The following TECPR2 variants were observed in gnomAD, a reference collection of about 807,000 sequenced individuals.
TECPR2 encodes the protein tectonin beta-propeller repeat containing 2.
TECPR2 carries 65 observed loss-of-function variants against 138.1 expected under a neutral mutation model. That is an observed-to-expected ratio of 0.47 (90% CI 0.39 to 0.58). The LOEUF is 0.58. Ranked by LOEUF, TECPR2 falls within the 20% of genes least tolerant of loss-of-function variation. The pLI, the probability that TECPR2 is intolerant of heterozygous loss-of-function variation, is 0.00. For synonymous variants in TECPR2, 746 were observed against 749.8 expected (o/e 0.99, Z 0.08); for missense variants, 1,553 against 1,824.5 (o/e 0.85, Z 2.71).
intron 5 of TECPR2, among the ~76,000 whole-genome samples, chr14:102,421,520 T>C (rs1030606308): frequency 6.6e-6 from 1 of 152,140 alleles, no homozygotes; most frequent in Non-Finnish European, 1.5e-5. Context: ...TCTGTTTGCC[T>C]ATGTGGGTGG....
chr14:102,441,359 C>T (rs1259426334), intron 11 of TECPR2, among the ~76,000 whole-genome samples: 1 of 150,886 alleles, frequency 6.6e-6, no homozygotes, highest in Non-Finnish European at 1.5e-5. Flanking sequence ...TGTGAGCCAC[C>T]ACACCAGGCC....
At chr14:102,414,960 C>T (rs1482784082) in intron 5 of TECPR2, among the ~76,000 whole-genome samples, 167 bp downstream of exon 5, 1 of 152,178 alleles carries the variant, frequency 6.6e-6, no homozygotes, top group East Asian at 1.9e-4. Flanking sequence ...TAGGATTTCT[C>T]CTCCCAGAGG....
chr14:102,389,140 AAAAT>A (rs1007638402), intron 2 of TECPR2, among the ~76,000 whole-genome samples: 3 of 150,522 alleles, frequency 2.0e-5, no homozygotes, highest in Admixed American at 1.3e-4. Context: ...CAAAAAAATA[AAAAT>A]AAATAAATAA....
chr14:102,438,237 TGCTCCC>T, intron 10 of TECPR2, 32 bp downstream of exon 10: 1 of 1,139,870 alleles, frequency 8.8e-7, no homozygotes, highest in Non-Finnish European at 1.2e-6. Flanking sequence ...TCCCGCTCCC[TGCTCCC>T]GCTCGCCGCT....
rs1410814477 is a variant in TECPR2, at chr14:102,480,253, C to G, written c.3789+14964C>G. 5.4e-5 allele frequency among the ~76,000 whole-genome samples: 8 copies of G among 148,780 alleles called. No homozygotes were observed. In the East Asian group the frequency reaches 1.4e-3, roughly 26 times the overall value. ...TTTATTGATTTATTTGAGACGGAGTCTTGCTCTGTCGCCCAGGCTGGAGTG... is the reference window on the plus strand; with the variant it reads ...TTTATTGATTTATTTGAGACGGAGTGTTGCTCTGTCGCCCAGGCTGGAGTG... On this transcript the variant is annotated intron_variant, in intron 17 of 19. Coordinates refer to ENST00000359520, the MANE Select transcript of TECPR2 (RefSeq NM_014844.5).
intron 2 of TECPR2, among the ~76,000 whole-genome samples, chr14:102,377,927 A>T (rs1567315013): frequency 2.6e-5 from 4 of 152,206 alleles, no homozygotes. Flanking sequence ...AGCTGAGCTG[A>T]GGTCTCTTCT....
intron 17 of TECPR2, among the ~76,000 whole-genome samples, chr14:102,477,098 T>C (rs1304637862): frequency 6.8e-6 from 1 of 148,088 alleles, no homozygotes; most frequent in South Asian, 2.2e-4. Flanking sequence ...GGCCAGGTGC[T>C]GTGGCTCATG....
intron 12 of TECPR2, 127 bp from the exon 13 acceptor site, chr14:102,445,679 A>G: frequency 8.1e-7 from 1 of 1,241,628 alleles, no homozygotes. Context: ...GCACCTGCTG[A>G]TCCGCTCCAG....
At chr14:102,392,917 A>G (rs748778430) in intron 2 of TECPR2, among the ~76,000 whole-genome samples, 1 of 152,210 alleles carries the variant, frequency 6.6e-6, no homozygotes, top group Non-Finnish European at 1.5e-5. Flanking sequence ...TTCTTCGGAA[A>G]GATTCTTTTT....
intron 5 of TECPR2, among the ~76,000 whole-genome samples, chr14:102,423,877 C>T (rs957063996): frequency 6.6e-6 from 1 of 152,188 alleles, no homozygotes; most frequent in Non-Finnish European, 1.5e-5. Flanking sequence ...CTGTGAAGCT[C>T]ATTCATTCAG....
At chr14:102,364,694 T>C (rs150345885) in intron 1 of TECPR2, among the ~76,000 whole-genome samples, 1,569 of 152,290 alleles carry the variant, frequency 0.01, 31 homozygotes, top group African/African-American at 0.036. Flanking sequence ...GATTTTTTTT[T>C]CCAATTTTTT....
rs372433998 is a variant in TECPR2 at position 102,425,049 on chromosome 14, C to T, written c.709C>T (p.Arg237Trp). 4 of 1,614,138 alleles carry T rather than the reference C, an allele frequency of 2.5e-6. No homozygotes were observed. The highest frequency in any genetic ancestry group is 1.6e-4 in the Middle Eastern group (1 of 6,062). ...AAGTGATCTAACCTTGTATGCGTCA[C>T]GGCCCGGGCTCCGGCTATGGAAGGC... ...KQSDLTLYAS[R>W]PGLRLWKADV... The change falls in exon 6 of 20, where the codon CGG becomes TGG. Residue 237 changes from arginine (R) to tryptophan (W), a missense_variant. Arg to Trp is a moderately radical substitution (Grantham distance 101). Coordinates refer to ENST00000359520, the MANE Select transcript of TECPR2 (RefSeq NM_014844.5).
At position 102,376,860 on chromosome 14, in the gene TECPR2, T is replaced by A; in HGVS notation, c.139T>A (p.Tyr47Asn). 4.3e-6 allele frequency: 7 copies of A among 1,614,172 alleles called. No homozygotes were observed. Among genetic ancestry groups the A allele is most frequent in the Non-Finnish European group, 5.9e-6 (7 of 1,180,046 alleles). The change falls in exon 2 of 20, where the codon TAC (tyrosine) becomes AAC (asparagine). Residue 47 changes from tyrosine (Y) to asparagine (N), a missense_variant. By Grantham distance (143) the Tyr-to-Asn change is moderately radical. Transcript: ENST00000359520. The stretch of plus-strand genomic sequence containing the variant: ...CACGGCCCTCGACACCAACGGGGAC[T>A]ACATCGCGGTGGGCAGCAGCATCGG... ...YLTALDTNGD[Y>N]IAVGSSIGML...
intron 12 of TECPR2, 75 bp from the exon 13 acceptor site, chr14:102,445,731 G>A (rs1889957297): frequency 2.0e-6 from 3 of 1,501,172 alleles, no homozygotes; most frequent in Non-Finnish European, 2.7e-6. Flanking sequence ...GGGAGACCCT[G>A]GATGTCCGCA....
At chr14:102,393,895 A>C (rs1370516662) in intron 2 of TECPR2, among the ~76,000 whole-genome samples, 1 of 152,162 alleles carries the variant, frequency 6.6e-6, no homozygotes, top group Non-Finnish European at 1.5e-5. Context: ...TCATTCAGAA[A>C]AATTTCACAG....
Position 102,443,783 on chromosome 14 carries a change from C to A in TECPR2, c.2889C>A (p.Ser963Arg). 1 of 1,604,212 alleles carries A rather than the reference C, an allele frequency of 6.2e-7. No individual in the cohort carries two copies. Among genetic ancestry groups the A allele is most frequent in the Non-Finnish European group, 8.5e-7 (1 of 1,173,148 alleles). The part of the protein sequence containing the change: ...QRALLYREGV[S>R]SFCPEGEQWK... The stretch of plus-strand genomic sequence containing the variant: ...CCCTCCTGTACCGGGAGGGCGTGAG[C>A]AGCTTCTGTCCGGAAGGCGAGCAGT... Residue 963 changes from serine (S) to arginine (R), a missense_variant, in exon 12 of 20, where the codon AGC becomes AGA. By Grantham distance (110) the Ser-to-Arg change is moderately radical (BLOSUM62 -1). Coordinates refer to ENST00000359520, the MANE Select transcript of TECPR2 (RefSeq NM_014844.5). This position sits in a 1 kb window ranked among gnomAD's most constrained non-coding sequence, Gnocchi z 4.9.
At chr14:102,477,106 A>G (rs1890782659) in intron 17 of TECPR2, among the ~76,000 whole-genome samples, 1 of 152,198 alleles carries the variant, frequency 6.6e-6, no homozygotes, top group Admixed American at 6.5e-5. Flanking sequence ...GCTGTGGCTC[A>G]TGCCTGTAAT....
Position 102,362,988 on chromosome 14 carries a change from T to G in TECPR2, c.-201T>G. The G allele has an allele frequency of 8.3e-7, 1 of 1,201,872 alleles. No individual in the cohort carries two copies. Among genetic ancestry groups the G allele is most frequent in the Non-Finnish European group, 1.2e-6 (1 of 840,610 alleles). The allele number at this position is 1,201,872 out of a possible 1,614,324, so 74.5% of individuals were successfully genotyped here. ...CCCCCGGCGGAGCCAGCTGCTGCTC[T>G]TCGGTGCTGGCCCCGGTGCCGGCCC... is the stretch of plus-strand genomic sequence containing the variant. On this transcript the variant is annotated 5_prime_UTR_variant, in exon 1 of 20. Coordinates refer to ENST00000359520, the MANE Select transcript of TECPR2 (RefSeq NM_014844.5).
intron 17 of TECPR2, among the ~76,000 whole-genome samples, chr14:102,484,788 G>A (rs1890985273): frequency 6.6e-6 from 1 of 152,176 alleles, no homozygotes; most frequent in African/African-American, 2.4e-5. Flanking sequence ...CTCCCGAGTA[G>A]CTGGGATTAC....
Sources: allele counts gnomAD v4.1 joint callset (sites outside exome capture counted in the v4.1 genomes callset), GRCh38; gene constraint gnomAD v4.1.1; non-coding constraint Gnocchi (gnomAD v3.1); transcripts MANE v1.5; gene names NCBI Gene and HGNC (gene_info 2026-07-23, HGNC 2026-07-21).